OVCH2: variants seen among roughly 807,000 people sequenced by gnomAD.
OVCH2 encodes the protein ovochymase-2.
Under a neutral mutation model 73.7 loss-of-function variants are expected in OVCH2, and 88 were observed. The ratio of observed to expected loss-of-function variants is 1.19; its 90% CI spans 1.01 to 1.43. OVCH2 has a LOEUF of 1.43. OVCH2 is among the 40% of genes most tolerant of loss of function. OVCH2 has a pLI of 0.00. For missense variants in OVCH2, 706 were observed against 674.5 expected (o/e 1.05, Z -0.52); for synonymous variants, 265 against 234.5 (o/e 1.13, Z -1.19).
intron 12 of OVCH2, among the ~76,000 whole-genome samples, chr11:7,693,902 G>A (rs1212512472): frequency 6.6e-6 from 1 of 152,176 alleles, no homozygotes; most frequent in African/African-American, 2.4e-5. Flanking sequence ...GGACACCTCA[G>A]TTCTCATCTC....
chr11:7,691,275 T>C lies in OVCH2; in HGVS notation c.1633A>G (p.Lys545Glu). Reference sequence around the variant, plus strand: ...GGTAACTCTATCTTCTTACCTGCTTTAGGAATGAAGGAGACTGTAGCCTGA... The same window carrying C: ...GGTAACTCTATCTTCTTACCTGCTTCAGGAATGAAGGAGACTGTAGCCTGA... Reference protein sequence around the residue: ...GFQATVSFIPKAVYPDLNISI... With the variant: ...GFQATVSFIPEAVYPDLNISI... Residue 545 changes from lysine to glutamate, a missense_variant, in exon 14 of 16, where the codon AAA (lysine) becomes GAA (glutamate). Physicochemically the swap from Lys to Glu is moderately conservative, Grantham distance 56. Coordinates refer to ENST00000533663, the MANE Select transcript of OVCH2 (RefSeq NM_198185.7). 1 of 1,610,754 alleles carries C rather than the reference T, an allele frequency of 6.2e-7. No homozygotes were observed. The highest frequency in any genetic ancestry group is 8.5e-7 in the Non-Finnish European group (1 of 1,178,502).
intron 3 of OVCH2, among the ~76,000 whole-genome samples, chr11:7,702,962 T>C (rs927324775): frequency 5.3e-5 from 8 of 152,220 alleles, no homozygotes; most frequent in African/African-American, 1.9e-4. Flanking sequence ...GGTACCTAAC[T>C]TAACACATAA....
chr11:7,681,834 G>A, the OVCH2 span, among the ~76,000 whole-genome samples: 1 of 145,206 alleles, frequency 6.9e-6, no homozygotes, highest in African/African-American at 2.7e-5. Flanking sequence ...TTCCAGGACG[G>A]GGAGAAGGGG....
chr11:7,684,041 A>G, the OVCH2 span, among the ~76,000 whole-genome samples: 2 of 149,736 alleles, frequency 1.3e-5, no homozygotes, highest in African/African-American at 4.9e-5. Context: ...TATATATTAT[A>G]TATATTACTT....
At chr11:7,702,046 T>C in intron 4 of OVCH2, 111 bp downstream of exon 4, 6 of 1,043,084 alleles carry the variant, frequency 5.8e-6, no homozygotes, top group Non-Finnish European at 8.5e-6. Flanking sequence ...CCAGCCTAAA[T>C]TCCTATCTCA....
At chr11:7,702,422 G>T (rs1013349848) in intron 3 of OVCH2, 93 bp from the exon 4 acceptor site, 1 of 962,632 alleles carries the variant, frequency 1.0e-6, no homozygotes, top group Admixed American at 3.6e-5. Context: ...AAATGATATG[G>T]ATAAATAATA....
chr11:7,689,039 G>A (rs1423454243), downstream of OVCH2, among the ~76,000 whole-genome samples: 1 of 152,172 alleles, frequency 6.6e-6, no homozygotes, highest in Non-Finnish European at 1.5e-5. Flanking sequence ...TCCATGTGAT[G>A]GCTTTTTTGA....
At chr11:7,693,885 G>A (rs1015872065) in intron 12 of OVCH2, among the ~76,000 whole-genome samples, 5 of 152,142 alleles carry the variant, frequency 3.3e-5, no homozygotes, top group Non-Finnish European at 2.9e-5. Context: ...GGTGTGGGGT[G>A]GGGACTGGAC....
At chr11:7,690,879 G>A (rs1368659923) in intron 14 of OVCH2, among the ~76,000 whole-genome samples, 1 of 151,966 alleles carries the variant, frequency 6.6e-6, no homozygotes, top group Non-Finnish European at 1.5e-5. Context: ...AAAACTCTGT[G>A]GTGTGCCTCA....
At chr11:7,692,400 C>T (rs1856239322) in intron 12 of OVCH2, among the ~76,000 whole-genome samples, 1 of 152,164 alleles carries the variant, frequency 6.6e-6, no homozygotes, top group Admixed American at 6.5e-5. Flanking sequence ...TCTTGAACCT[C>T]TAGTTCTCCT....
Position 7,690,010 on chromosome 11 carries a change from T to C in OVCH2, c.1643A>G (p.Tyr548Cys), listed in dbSNP as rs1361603929. 2 of 1,508,536 alleles carry C rather than the reference T, an allele frequency of 1.3e-6. No individual in the cohort carries two copies. Among genetic ancestry groups the C allele is most frequent in the East Asian group, 2.5e-5 (1 of 40,782 alleles). 93.4% of individuals were successfully genotyped at this position (1,508,536 alleles called of 1,614,324 possible). A position where few individuals can be genotyped will look rare whatever the true frequency, so the allele number is the denominator to read the frequency against. The stretch of plus-strand genomic sequence containing the variant: ...TGATATGGAGATGTTTAAATCTGGG[T>C]ATACTGGGTATAAGTATGATACAAT... ...ATVSFIPKAV[Y>C]PDLNISISED... is the part of the protein sequence containing the mutation. Residue 548 changes from tyrosine (Y) to cysteine (C), a missense_variant, in exon 15 of 16, where the codon TAC becomes TGC. Transcript: ENST00000533663.
chr11:7,706,245 G>T, intron 1 of OVCH2, 62 bp downstream of exon 1: 2 of 1,449,732 alleles, frequency 1.4e-6, no homozygotes, highest in Non-Finnish European at 9.4e-7. Flanking sequence ...TCTCGGAGTT[G>T]TGACGTCCAT....
downstream of OVCH2, among the ~76,000 whole-genome samples, chr11:7,686,547 T>G (rs1055147408): frequency 6.6e-6 from 1 of 152,202 alleles, no homozygotes; most frequent in African/African-American, 2.4e-5. Context: ...TACACATTTT[T>G]AAAATTATTA....
rs748010586 is a variant in OVCH2, at chr11:7,702,268, C to A, written c.352G>T (p.Gly118Ter). The stretch of plus-strand genomic sequence containing the variant: ...GTTTCAATAGTGAGAGTTTGCTCTC[C>A]TGGGTCTGTCTGGCTTAAGTCATAC... ...GEYDLSQTDP[G>*]EQTLTIETVI... The change falls in exon 4 of 16, where the codon GGA (glycine) becomes TGA (stop). Residue 118 changes from glycine (G) to a stop codon, truncating the protein, a stop_gained. Coordinates refer to ENST00000533663, the MANE Select transcript of OVCH2 (RefSeq NM_198185.7). LOFTEE classifies it high-confidence loss of function. 2 of 1,612,102 alleles carry A rather than the reference C, an allele frequency of 1.2e-6. No individual in the cohort carries two copies. The highest frequency in any genetic ancestry group is 2.7e-5 in the African/African-American group (2 of 74,828).
chr11:7,700,065 G>C, intron 7 of OVCH2: 1 of 513,784 alleles, frequency 1.9e-6, no homozygotes, highest in Non-Finnish European at 3.5e-6. Context: ...GTTTGAGAAG[G>C]TCTAGGATGG....
At chr11:7,700,025 A>T (rs1856405468) in intron 7 of OVCH2, 1 of 374,310 alleles carries the variant, frequency 2.7e-6, no homozygotes, top group Non-Finnish European at 4.8e-6. Context: ...AAAGCATATC[A>T]TCAACTGAGA....
Position 7,706,295 on chromosome 11 carries a change from T to C in OVCH2, c.88+12A>G, listed in dbSNP as rs774151031. 6.4e-7 allele frequency: 1 copy of C among 1,573,234 alleles called. No homozygotes were observed. The highest frequency in any genetic ancestry group is 1.8e-5 in the Admixed American group (1 of 54,254). Reference sequence around the variant, plus strand: ...CAGACAAAGGTAATTATAGAGTTCATTTGAAACTTACCTTTGGGGAGCGAA... The same window carrying C: ...CAGACAAAGGTAATTATAGAGTTCACTTGAAACTTACCTTTGGGGAGCGAA... On this transcript the variant is annotated intron_variant, in intron 1 of 15. Transcript: ENST00000533663.
Position 7,701,789 on chromosome 11 carries a change from A to G in OVCH2, c.486T>C (p.Cys162=), listed in dbSNP as rs1856444111. ...CAAATTGCTCCCGCAGCTCTGGAAG[A>G]CATATGGGCCCCACAAAGTGGCCTG... The part of the protein sequence containing the change: ...FQFGHFVGPI[C]LPELREQFEA... The change falls in exon 5 of 16, where the codon TGT becomes TGC. Residue 162 remains cysteine (C), a synonymous_variant. Transcript: ENST00000533663. The G allele has an allele frequency of 6.2e-7, 1 of 1,612,014 alleles. No homozygotes were observed. The highest frequency in any genetic ancestry group is 1.1e-5 in the South Asian group (1 of 90,404).
rs1342304952 is a variant in OVCH2 at position 7,691,937 on chromosome 11, G to A, written c.1472C>T (p.Thr491Ile). The A allele has an allele frequency of 2.5e-6, 4 of 1,577,358 alleles. No individual in the cohort carries two copies. The highest frequency in any genetic ancestry group is 4.6e-5 in the East Asian group (2 of 43,732). Residue 491 changes from threonine to isoleucine, a missense_variant, in exon 13 of 16, where the codon ACA becomes ATA. Thr to Ile is a moderately conservative substitution (Grantham distance 89). Transcript: ENST00000533663. ...CTTCCTTTCTACATCGCTGTGCACT[G>A]TCACATAGTCGGAAGTGCAGTCTCC... is the stretch of plus-strand genomic sequence containing the variant. The part of the protein sequence containing the change: ...ESGDCTSDYV[T>I]VHSDVERKKE...
Sources: allele counts gnomAD v4.1 joint callset (sites outside exome capture counted in the v4.1 genomes callset), GRCh38; gene constraint gnomAD v4.1.1; transcripts MANE v1.5; gene names NCBI Gene and HGNC (gene_info 2026-07-23, HGNC 2026-07-21).